The following STAU2 variants were observed in gnomAD, a reference collection of about 807,000 sequenced individuals.
STAU2 encodes the protein staufen double-stranded RNA binding protein 2, also known as double-stranded RNA-binding protein Staufen homolog 2.
In STAU2, 20 loss-of-function variants were observed where a neutral mutation model predicts 65.9. The ratio of observed to expected loss-of-function variants is 0.30; its 90% confidence interval spans 0.21 to 0.44. STAU2 has a LOEUF of 0.44. STAU2 is among the 20% of genes least tolerant of loss of function. The pLI is 1.00. For missense variants in STAU2, 558 were observed against 683.9 expected (o/e 0.82, Z 2.05); for synonymous variants, 232 against 233.9 (o/e 0.99, Z 0.07).
intron 13 of STAU2, among the ~76,000 whole-genome samples, chr8:73,449,907 T>C (rs1368815326): frequency 1.3e-5 from 2 of 152,152 alleles, no homozygotes; most frequent in Non-Finnish European, 2.9e-5. Context: ...ACCCAGCCCG[T>C]TGGGCACCTT....
chr8:73,523,094 G>A (rs997088191), intron 13 of STAU2, among the ~76,000 whole-genome samples: 4 of 150,592 alleles, frequency 2.7e-5, no homozygotes, highest in Non-Finnish European at 4.4e-5. Context: ...TACTCAGGAG[G>A]CTGAGGCAGG....
intron 14 of STAU2, among the ~76,000 whole-genome samples, chr8:73,421,704 CA>C (rs1816389990): frequency 6.6e-6 from 1 of 152,170 alleles, no homozygotes; most frequent in Non-Finnish European, 1.5e-5. Flanking sequence ...GTCTGTTTAC[CA>C]AATGTTTTCT....
chr8:73,649,497 AT>A (rs1419756041), intron 6 of STAU2, among the ~76,000 whole-genome samples: 1 of 152,152 alleles, frequency 6.6e-6, no homozygotes, highest in Non-Finnish European at 1.5e-5. Flanking sequence ...AATAGAAATT[AT>A]AAAAAAGATA....
rs1234589306 is a variant in STAU2, at chr8:73,708,885, T to C, written c.114+147A>G. ...TGAGCTACAAAATAGTTTAGTTACATACTTTGAAATATTATTAATGTAGAA... is the reference window on the plus strand; with the variant it reads ...TGAGCTACAAAATAGTTTAGTTACACACTTTGAAATATTATTAATGTAGAA... On this transcript the variant is annotated intron_variant, in intron 4 of 14. Coordinates refer to ENST00000524300, the MANE Select transcript of STAU2 (RefSeq NM_001164380.2). 4.7e-6 allele frequency: 3 copies of C among 644,256 alleles called. No individual in the cohort carries two copies. The South Asian group carries it at 1.7e-4, about 37-fold the overall frequency. The allele number at this position is 644,256 out of a possible 1,614,324, so 39.9% of individuals were successfully genotyped here.
rs553569042 is a variant in STAU2, at chr8:73,454,714, G to A, written c.1531-32012C>T. On this transcript the variant is annotated intron_variant, in intron 13 of 14. Transcript: ENST00000524300. Reference sequence around the variant, plus strand: ...TTTTACATTTTCTTATTTTTAAAGAGAGAAGAATAAGAGTATTAGGCAAGG... The same window carrying A: ...TTTTACATTTTCTTATTTTTAAAGAAAGAAGAATAAGAGTATTAGGCAAGG... Among the ~76,000 whole-genome samples, 9 of 152,284 alleles carry A rather than the reference G, an allele frequency of 5.9e-5. No individual in the cohort carries two copies. The South Asian group carries it at 1.9e-3, about 32-fold the overall frequency.
At chr8:73,425,223 T>G (rs76470846) in intron 13 of STAU2, among the ~76,000 whole-genome samples, 6 of 152,244 alleles carry the variant, frequency 3.9e-5, no homozygotes, top group Non-Finnish European at 8.8e-5. Context: ...TTAGTACAGA[T>G]GTAATTAGTT....
chr8:73,642,378 C>T (rs532352664), intron 6 of STAU2, among the ~76,000 whole-genome samples: 1 of 152,252 alleles, frequency 6.6e-6, no homozygotes, highest in African/African-American at 2.4e-5. Flanking sequence ...CAAAAATTAG[C>T]TGGGCGTGGT....
intron 13 of STAU2, chr8:73,527,393 C>T (rs1039112405): frequency 1.2e-4 from 28 of 239,556 alleles, no homozygotes; most frequent in African/African-American, 5.7e-4. Flanking sequence ...TTGACCCTTC[C>T]TCTCATATAT....
intron 10 of STAU2, among the ~76,000 whole-genome samples, chr8:73,597,898 A>G (rs889671234): frequency 3.9e-5 from 6 of 152,196 alleles, no homozygotes; most frequent in Non-Finnish European, 8.8e-5. Flanking sequence ...TCAATATTTA[A>G]GGAAGAATTA....
chr8:73,492,976 A>G (rs1229009390), intron 13 of STAU2, among the ~76,000 whole-genome samples: 1 of 151,928 alleles, frequency 6.6e-6, no homozygotes, highest in Non-Finnish European at 1.5e-5. Flanking sequence ...AAATGGATCA[A>G]TGGAACAGAA....
intron 1 of STAU2, among the ~76,000 whole-genome samples, chr8:73,745,288 G>A (rs1403831330): frequency 6.6e-6 from 1 of 152,166 alleles, no homozygotes; most frequent in Non-Finnish European, 1.5e-5. Flanking sequence ...ATGAAAATCT[G>A]GCCATACTAC....
intron 3 of STAU2, among the ~76,000 whole-genome samples, chr8:73,731,283 G>A (rs757562993): frequency 1.1e-4 from 16 of 152,176 alleles, no homozygotes; most frequent in East Asian, 1.9e-4. Flanking sequence ...CCTCCCCAAC[G>A]CCAATCCCAA....
chr8:73,730,563 C>A (rs1046013541), intron 3 of STAU2, among the ~76,000 whole-genome samples: 1 of 151,904 alleles, frequency 6.6e-6, no homozygotes, highest in African/African-American at 2.4e-5. Flanking sequence ...CCCGTCTCTA[C>A]TAAAAATACA....
intron 7 of STAU2, 61 bp from the exon 8 acceptor site, chr8:73,615,843 T>C: frequency 7.8e-6 from 10 of 1,278,772 alleles, no homozygotes; most frequent in East Asian, 2.3e-5. Flanking sequence ...TTACTTTTAT[T>C]CTACAGTCAA....
chr8:73,564,741 T>G (rs893624792), intron 12 of STAU2, among the ~76,000 whole-genome samples: 1 of 152,212 alleles, frequency 6.6e-6, no homozygotes, highest in African/African-American at 2.4e-5. Context: ...TGTTATAATA[T>G]TGATGAGAAA....
intron 6 of STAU2, among the ~76,000 whole-genome samples, chr8:73,621,680 G>A (rs1813246423): frequency 1.3e-5 from 2 of 152,068 alleles, no homozygotes; most frequent in African/African-American, 4.8e-5. Context: ...TCCCAAAAAA[G>A]TCTTGGGATT....
intron 3 of STAU2, among the ~76,000 whole-genome samples, chr8:73,722,060 A>G (rs77574122): frequency 0.011 from 1,601 of 151,882 alleles, 34 homozygotes; most frequent in African/African-American, 0.037. Context: ...GTAACTCTCT[A>G]TTTTGCTATT....
chr8:73,568,766 T>C (rs1227219546), intron 12 of STAU2, among the ~76,000 whole-genome samples: 1 of 152,218 alleles, frequency 6.6e-6, no homozygotes, highest in Non-Finnish European at 1.5e-5. Flanking sequence ...ACTTTCAGTA[T>C]AAGTAACAGA....
intron 12 of STAU2, among the ~76,000 whole-genome samples, chr8:73,558,265 G>A (rs2128947420): frequency 6.6e-6 from 1 of 152,314 alleles, no homozygotes; most frequent in South Asian, 2.1e-4. Context: ...TGTCATGATG[G>A]TTGTCCCTAG....
Sources: allele counts gnomAD v4.1 joint callset (sites outside exome capture counted in the v4.1 genomes callset), GRCh38; gene constraint gnomAD v4.1.1; transcripts MANE v1.5; gene names NCBI Gene and HGNC (gene_info 2026-07-23, HGNC 2026-07-21).